The following HEBP2 variants were observed in gnomAD, a reference collection of about 807,000 sequenced individuals.
The protein encoded by HEBP2 is heme binding protein 2.
Under a neutral mutation model 23.1 loss-of-function variants are expected in HEBP2, and 27 were observed. That is an observed-to-expected ratio of 1.17 (90% CI 0.86 to 1.61). HEBP2 has a LOEUF of 1.61. Among genes scored for constraint, HEBP2 ranks in the 40% most tolerant of loss-of-function variants. The pLI, the probability that HEBP2 is intolerant of heterozygous loss-of-function variation, is 0.00. For missense variants in HEBP2, 245 were observed against 253.8 expected, an observed-to-expected ratio of 0.97 and a Z score of 0.24; for synonymous variants, 99 against 95.1, an observed-to-expected ratio of 1.04 and a Z score of -0.24.
At position 138,404,392 on chromosome 6, in the gene HEBP2, G is replaced by C. The variant is rs989979002; in HGVS notation, c.-104G>C. 9.9e-6 allele frequency: 7 copies of C among 704,288 alleles called. No individual in the cohort carries two copies. The highest frequency in any genetic ancestry group is 1.2e-5 in the Non-Finnish European group (6 of 517,188). 43.6% of individuals were successfully genotyped at this position (704,288 alleles called of 1,614,324 possible). On this transcript the variant is annotated 5_prime_UTR_variant, in exon 1 of 4. Transcript: ENST00000607197. ...CGGGAGGAGGGACCGGGTCTGCGGA[G>C]CGGGGACTCGGGGCCTCGGCGGGGC... is the stretch of plus-strand genomic sequence containing the variant.
chr6:138,405,339 T>G (rs1774625790), intron 2 of HEBP2, 59 bp downstream of exon 2: 7 of 1,592,386 alleles, frequency 4.4e-6, no homozygotes, highest in Non-Finnish European at 8.6e-7. Context: ...GGCTTATTAT[T>G]GAGTTTTAGC....
At chr6:138,408,805 T>C (rs188437190) in intron 3 of HEBP2, among the ~76,000 whole-genome samples, 49 of 152,338 alleles carry the variant, frequency 3.2e-4, no homozygotes, top group African/African-American at 1.2e-3. Context: ...CGACTTGTTC[T>C]GGGCAATCCA....
rs933147985 is a variant in HEBP2, at chr6:138,414,407, T to C, written c.*1329T>C. The stretch of plus-strand genomic sequence containing the variant: ...TGCTGATTAGCATGATTTAGAAGCC[T>C]AGTTTGGAGGTGAGGTTACTGATGG... On this transcript the variant is annotated 3_prime_UTR_variant, in exon 4 of 4. Coordinates refer to ENST00000607197, the MANE Select transcript of HEBP2 (RefSeq NM_014320.3). 1 of 152,166 alleles carries C rather than the reference T, an allele frequency of 6.6e-6. No homozygotes were observed. Among genetic ancestry groups the C allele is most frequent in the Non-Finnish European group, 1.5e-5 (1 of 68,042 alleles). 9.4% of individuals were successfully genotyped at this position (152,166 alleles called of 1,614,324 possible).
rs1774846554 is a variant in HEBP2, at chr6:138,416,644, A to G, written c.*3566A>G. The G allele has an allele frequency of 6.6e-6, 1 of 152,312 alleles. No individual in the cohort carries two copies. The highest frequency in any genetic ancestry group is 1.5e-5 in the Non-Finnish European group (1 of 68,116). 9.4% of individuals were successfully genotyped at this position (152,312 alleles called of 1,614,324 possible). A position where few individuals can be genotyped will look rare whatever the true frequency, so the allele number is the denominator to read the frequency against. ...TGCCAGCCACAGAAGCCAGGGTGCC[A>G]TCAGTATCCTGTTAACCACTAAGCT... is the stretch of plus-strand genomic sequence containing the variant. On this transcript the variant is annotated 3_prime_UTR_variant, in exon 4 of 4. Coordinates refer to ENST00000607197, the MANE Select transcript of HEBP2 (RefSeq NM_014320.3).
rs35010997 is a variant in HEBP2 at position 138,415,052 on chromosome 6, GA to G, written c.*1984del. The G allele has an allele frequency of 0.053, 7,881 of 148,774 alleles. 277 individuals carry two copies. Among genetic ancestry groups the G allele is most frequent in the Non-Finnish European group, 0.075 (5,047 of 66,934 alleles). 9.2% of individuals were successfully genotyped at this position (148,774 alleles called of 1,614,324 possible). A position where few individuals can be genotyped will look rare whatever the true frequency, so the allele number is the denominator to read the frequency against. Reference sequence around the variant, plus strand: ...ACAGAGCAAGATCCTGTCTCAGAAAGAAAAAAAAAAGTCCTAGTCATTTCTA... The same window carrying G: ...ACAGAGCAAGATCCTGTCTCAGAAAGAAAAAAAAAGTCCTAGTCATTTCTA... On this transcript the variant is annotated 3_prime_UTR_variant, in exon 4 of 4. Transcript: ENST00000607197.
In HEBP2 at chr6:138,416,503, GA is replaced by G. The variant is rs2128183172; in HGVS notation, c.*3426del. On this transcript the variant is annotated 3_prime_UTR_variant, in exon 4 of 4. Transcript: ENST00000607197. Reference sequence around the variant, plus strand: ...ATAAGCGGGCTTGGGCATCATAAAGGAGCTCAGCGGTGGCTCTCCTCGGCAG... The same window carrying G: ...ATAAGCGGGCTTGGGCATCATAAAGGGCTCAGCGGTGGCTCTCCTCGGCAG... 1 of 152,562 alleles carries G rather than the reference GA, an allele frequency of 6.6e-6. No homozygotes were observed. The highest frequency in any genetic ancestry group is 6.5e-5 in the Admixed American group (1 of 15,314). 9.5% of individuals were successfully genotyped at this position (152,562 alleles called of 1,614,324 possible).
In HEBP2 at chr6:138,422,137, T is replaced by C. The variant is rs1774959680; in HGVS notation, c.*9059T>C. The stretch of plus-strand genomic sequence containing the variant: ...TTAAAAATAGTTTTATAATTAGTGT[T>C]ATGTTGCTTTATCTTATCTTTGCAT... On this transcript the variant is annotated 3_prime_UTR_variant, in exon 4 of 4. Coordinates refer to ENST00000607197, the MANE Select transcript of HEBP2 (RefSeq NM_014320.3). 1 of 152,264 alleles carries C rather than the reference T, an allele frequency of 6.6e-6. No homozygotes were observed. The highest frequency in any genetic ancestry group is 6.5e-5 in the Admixed American group (1 of 15,286). 9.4% of individuals were successfully genotyped at this position (152,264 alleles called of 1,614,324 possible).
chr6:138,413,392 T>A lies in HEBP2; in HGVS notation c.*314T>A, dbSNP rs1191654623. The stretch of plus-strand genomic sequence containing the variant: ...ATATTCCCTTTTTTTTTTCTTGGAT[T>A]TGTGTCAGTTGGATGATATCCCCTC... On this transcript the variant is annotated 3_prime_UTR_variant, in exon 4 of 4. Transcript: ENST00000607197. 1 of 231,310 alleles carries A rather than the reference T, an allele frequency of 4.3e-6. No homozygotes were observed. Among genetic ancestry groups the A allele is most frequent in the Non-Finnish European group, 8.5e-6 (1 of 117,428 alleles). The allele number at this position is 231,310 out of a possible 1,614,324, so 14.3% of individuals were successfully genotyped here.
chr6:138,417,032 A>G lies in HEBP2; in HGVS notation c.*3954A>G, dbSNP rs1033985682. ...ACTCAGGTGGCTCTACCCTGGGGAA[A>G]GAGGAATACCTGGATACGTCAGGGT... On this transcript the variant is annotated 3_prime_UTR_variant, in exon 4 of 4. Transcript: ENST00000607197. 9 of 152,216 alleles carry G rather than the reference A, an allele frequency of 5.9e-5. No homozygotes were observed. The highest frequency in any genetic ancestry group is 2.2e-4 in the African/African-American group (9 of 41,456). The allele number at this position is 152,216 out of a possible 1,614,324, so 9.4% of individuals were successfully genotyped here.
At chr6:138,412,787 A>T in intron 3 of HEBP2, 93 bp from the exon 4 acceptor site, 1 of 1,044,346 alleles carries the variant, frequency 9.6e-7, no homozygotes, top group Non-Finnish European at 1.5e-6. Context: ...CACTTCACTC[A>T]GCATTCACGG....
In HEBP2 at chr6:138,415,659, C is replaced by CT. The variant is rs1205482497; in HGVS notation, c.*2582dup. 4 of 152,060 alleles carry CT rather than the reference C, an allele frequency of 2.6e-5. No homozygotes were observed. Among genetic ancestry groups the CT allele is most frequent in the African/African-American group, 9.7e-5 (4 of 41,380 alleles). The allele number at this position is 152,060 out of a possible 1,614,324, so 9.4% of individuals were successfully genotyped here. A position where few individuals can be genotyped will look rare whatever the true frequency, so the allele number is the denominator to read the frequency against. ...TCATGCTGTAGCCAAGCAGAGCAAGCTGAAGGCCAAGCACAGGATTTGATG... is the reference window on the plus strand; with the variant it reads ...TCATGCTGTAGCCAAGCAGAGCAAGCTTGAAGGCCAAGCACAGGATTTGATG... On this transcript the variant is annotated 3_prime_UTR_variant, in exon 4 of 4. Transcript: ENST00000607197.
In HEBP2 at chr6:138,414,766, C is replaced by G. The variant is rs1183395423; in HGVS notation, c.*1688C>G. Reference sequence around the variant, plus strand: ...ACTGAGCAAGGTGGTGGTATAAGACCTAGCCATTTAGGCCAGGTGCAGTGG... The same window carrying G: ...ACTGAGCAAGGTGGTGGTATAAGACGTAGCCATTTAGGCCAGGTGCAGTGG... On this transcript the variant is annotated 3_prime_UTR_variant, in exon 4 of 4. Transcript: ENST00000607197. 6.6e-6 allele frequency: 1 copy of G among 152,194 alleles called. No homozygotes were observed. Among genetic ancestry groups the G allele is most frequent in the Non-Finnish European group, 1.5e-5 (1 of 68,076 alleles). 9.4% of individuals were successfully genotyped at this position (152,194 alleles called of 1,614,324 possible).
chr6:138,403,575 C>T, upstream of HEBP2: 1 of 464,792 alleles, frequency 2.2e-6, no homozygotes, highest in Non-Finnish European at 3.8e-6. Flanking sequence ...TGGGAGTCCT[C>T]TGGGGGGCGC....
At chr6:138,404,657 G>C (rs1020547680) in intron 1 of HEBP2, 60 bp downstream of exon 1, 2 of 1,067,654 alleles carry the variant, frequency 1.9e-6, no homozygotes, top group Admixed American at 8.5e-5. Context: ...TTGCAGTGAG[G>C]CCAGCGGGTC....
rs1423896708 is a variant in HEBP2, at chr6:138,420,758, C to T, written c.*7680C>T. ...CCAGAGTTCCCCTGGGATGGCAGCT[C>T]GCCTGCTCTCCCTGCCTCGTCCTGC... On this transcript the variant is annotated 3_prime_UTR_variant, in exon 4 of 4. Coordinates refer to ENST00000607197, the MANE Select transcript of HEBP2 (RefSeq NM_014320.3). 1.3e-5 allele frequency: 2 copies of T among 152,304 alleles called. No homozygotes were observed. The highest frequency in any genetic ancestry group is 6.5e-5 in the Admixed American group (1 of 15,284). 9.4% of individuals were successfully genotyped at this position (152,304 alleles called of 1,614,324 possible).
At position 138,413,420 on chromosome 6, in the gene HEBP2, G is replaced by C; in HGVS notation, c.*342G>C. The stretch of plus-strand genomic sequence containing the variant: ...TGTCAGTTGGATGATATCCCCTCCA[G>C]ATAGTATCAATAAAATGTTAAAATT... On this transcript the variant is annotated 3_prime_UTR_variant, in exon 4 of 4. Transcript: ENST00000607197. 1 of 194,902 alleles carries C rather than the reference G, an allele frequency of 5.1e-6. No homozygotes were observed. Among genetic ancestry groups the C allele is most frequent in the South Asian group, 1.1e-4 (1 of 9,426 alleles). 12.1% of individuals were successfully genotyped at this position (194,902 alleles called of 1,614,324 possible). A position where few individuals can be genotyped will look rare whatever the true frequency, so the allele number is the denominator to read the frequency against.
At position 138,418,341 on chromosome 6, in the gene HEBP2, C is replaced by T. The variant is rs189137403; in HGVS notation, c.*5263C>T. The T allele has an allele frequency of 6.6e-6, 1 of 152,184 alleles. No homozygotes were observed. The highest frequency in any genetic ancestry group is 6.5e-5 in the Admixed American group (1 of 15,276). The allele number at this position is 152,184 out of a possible 1,614,324, so 9.4% of individuals were successfully genotyped here. ...CAATGAGAGAATCACAGTGCAGGTC[C>T]CTGGGGCCCTGAAGGAAGGTGGTTC... is the stretch of plus-strand genomic sequence containing the variant. On this transcript the variant is annotated 3_prime_UTR_variant, in exon 4 of 4. Coordinates refer to ENST00000607197, the MANE Select transcript of HEBP2 (RefSeq NM_014320.3).
In HEBP2 at chr6:138,406,272, A is replaced by G. The variant is rs1206661941; in HGVS notation, c.419+121A>G. 8.3e-6 allele frequency: 7 copies of G among 845,484 alleles called. No individual in the cohort carries two copies. In the African/African-American group the frequency reaches 1.2e-4, roughly 14 times the overall value. 52.4% of individuals were successfully genotyped at this position (845,484 alleles called of 1,614,324 possible). On this transcript the variant is annotated intron_variant, in intron 3 of 3. Transcript: ENST00000607197. ...CCTTCCATAAAATCAGGTCTAATGC[A>G]TTTTGTGATGTTTTCCTACTGGCTT... is the stretch of plus-strand genomic sequence containing the variant.
chr6:138,410,568 G>A (rs183234100), intron 3 of HEBP2, among the ~76,000 whole-genome samples: 3 of 148,666 alleles, frequency 2.0e-5, no homozygotes, highest in South Asian at 2.1e-4. Flanking sequence ...TGCAATGTCC[G>A]CCTCCCAGGT....
Sources: gnomAD v4.1 joint callset for allele counts (sites outside exome capture counted in the v4.1 genomes callset) on GRCh38, gnomAD v4.1.1 for gene constraint, MANE v1.5 for transcripts, NCBI Gene and HGNC (gene_info 2026-07-23, HGNC 2026-07-21) for gene names.